Variants in RAPGEF6 observed in about 807,000 individuals in gnomAD.
The protein encoded by RAPGEF6 is Rap guanine nucleotide exchange factor 6, also known as PDZ domain containing guanine nucleotide exchange factor (GEF) 2.
A neutral mutation model predicts 171.4 loss-of-function variants in RAPGEF6; 56 were observed. That is an observed-to-expected ratio of 0.33 (90% confidence interval 0.26 to 0.41). RAPGEF6 has a LOEUF of 0.41. Among genes scored for constraint, RAPGEF6 ranks in the 10% least tolerant of loss-of-function variants. The pLI, the probability that RAPGEF6 is intolerant of heterozygous loss-of-function variation, is 1.00. For synonymous variants in RAPGEF6, 692 were observed against 650.1 expected, an observed-to-expected ratio of 1.06 and a Z score of -0.98; for missense variants, 1,674 against 1,921.4, an observed-to-expected ratio of 0.87 and a Z score of 2.41.
In RAPGEF6 at chr5:131,426,239, A is replaced by C. The variant is rs1321234718; in HGVS notation, c.*1027T>G. 2 of 152,330 alleles carry C rather than the reference A, an allele frequency of 1.3e-5. No individual in the cohort carries two copies. Among genetic ancestry groups the C allele is most frequent in the Non-Finnish European group, 2.9e-5 (2 of 68,050 alleles). The allele number at this position is 152,330 out of a possible 1,614,324, so 9.4% of individuals were successfully genotyped here. A position where few individuals can be genotyped will look rare whatever the true frequency, so the allele number is the denominator to read the frequency against. ...TGGTGCTATGAGATGTGGGGGAGGC[A>C]TGCTGCAGAACACTGCATAAAGTCA... On this transcript the variant is annotated 3_prime_UTR_variant, in exon 28 of 28. Transcript: ENST00000509018.
Position 131,571,153 on chromosome 5 carries a change from G to A in RAPGEF6, c.282-9106C>T, listed in dbSNP as rs545014515. 9.9e-5 allele frequency among the ~76,000 whole-genome samples: 15 copies of A among 152,030 alleles called. No homozygotes were observed. In the South Asian group the frequency reaches 3.1e-3, roughly 32 times the overall value. ...GCCAGGATTTCACCACGTTGGCCAG[G>A]TTGGTCTCAAACTCCCAACTTCAGG... On this transcript the variant is annotated intron_variant, in intron 4 of 27. Coordinates refer to ENST00000509018, the MANE Select transcript of RAPGEF6 (RefSeq NM_016340.6).
At position 131,543,747 on chromosome 5, in the gene RAPGEF6, C is replaced by T. The variant is rs1480376317; in HGVS notation, c.495+4300G>A. On this transcript the variant is annotated intron_variant, in intron 6 of 27. Coordinates refer to ENST00000509018, the MANE Select transcript of RAPGEF6 (RefSeq NM_016340.6). ...TCATCTAAATACTGGAGTTTTTATACTTGGCTTGATTACTTATCCTGCTCA... is the reference window on the plus strand; with the variant it reads ...TCATCTAAATACTGGAGTTTTTATATTTGGCTTGATTACTTATCCTGCTCA... Among the ~76,000 whole-genome samples, 3 of 152,158 alleles carry T rather than the reference C, an allele frequency of 2.0e-5. 1 individual carries two copies. The East Asian group carries it at 5.8e-4, about 29-fold the overall frequency.
Position 131,427,106 on chromosome 5 carries a change from C to CAT in RAPGEF6, c.*158_*159dup, listed in dbSNP as rs1317433491. 1.1e-5 allele frequency: 8 copies of CAT among 716,854 alleles called. No homozygotes were observed. The highest frequency in any genetic ancestry group is 2.0e-5 in the Non-Finnish European group (8 of 406,826). 44.4% of individuals were successfully genotyped at this position (716,854 alleles called of 1,614,324 possible). On this transcript the variant is annotated 3_prime_UTR_variant, in exon 28 of 28. Transcript: ENST00000509018. The stretch of plus-strand genomic sequence containing the variant: ...TCTGCAGAAATTAAATGAAAGGAAG[C>CAT]ATAACTCAGGTCTATTTCATTGCTC...
At chr5:131,443,325 GC>G (rs1284108139) in intron 22 of RAPGEF6, among the ~76,000 whole-genome samples, 1 of 152,054 alleles carries the variant, frequency 6.6e-6, no homozygotes, top group Admixed American at 6.6e-5. Flanking sequence ...TGATCCACAT[GC>G]CCCAGCTACC....
intron 15 of RAPGEF6, among the ~76,000 whole-genome samples, chr5:131,482,583 G>C (rs1170276691): frequency 6.6e-6 from 1 of 152,282 alleles, no homozygotes. Context: ...GATTACAGGG[G>C]TGAGCCACCA....
chr5:131,526,933 T>C (rs564419703), intron 6 of RAPGEF6, among the ~76,000 whole-genome samples: 5 of 152,176 alleles, frequency 3.3e-5, no homozygotes, highest in South Asian at 4.1e-4. Flanking sequence ...GAATACTTTG[T>C]ATATATAGAG....
At chr5:131,508,268 C>A in intron 8 of RAPGEF6, 61 bp from the exon 9 acceptor site, 4 of 1,429,986 alleles carry the variant, frequency 2.8e-6, no homozygotes, top group Non-Finnish European at 3.7e-6. Context: ...AAAAATACAA[C>A]GAAATCTAGA....
At position 131,464,196 on chromosome 5, in the gene RAPGEF6, T is replaced by C; in HGVS notation, c.2325A>G (p.Glu775=). The C allele has an allele frequency of 6.2e-7, 1 of 1,613,930 alleles. No homozygotes were observed. The highest frequency in any genetic ancestry group is 8.5e-7 in the Non-Finnish European group (1 of 1,179,844). ...ATTCATGAACAGCATGAAAAACTAC[T>C]TCTTTAGCTGTGGTGTCTTTACTGA... The part of the protein sequence containing the change: ...IIISKDTTAK[E]VVFHAVHEFG... Residue 775 remains glutamate, a synonymous_variant, in exon 18 of 28, where the codon GAA becomes GAG. Transcript: ENST00000509018.
At chr5:131,558,098 A>G (rs1173764004) in intron 5 of RAPGEF6, among the ~76,000 whole-genome samples, 2 of 152,300 alleles carry the variant, frequency 1.3e-5, no homozygotes, top group Non-Finnish European at 2.9e-5. Context: ...GGAAAAATTT[A>G]CCAGTGAAGC....
intron 1 of RAPGEF6, among the ~76,000 whole-genome samples, chr5:131,634,125 GCATTT>G (rs1283501161): frequency 2.0e-5 from 3 of 151,816 alleles, no homozygotes; most frequent in Admixed American, 6.6e-5. Flanking sequence ...ATTAACCAAA[GCATTT>G]CATTTCATTT....
chr5:131,499,953 C>A (rs1308677639), intron 11 of RAPGEF6, among the ~76,000 whole-genome samples: 1 of 152,152 alleles, frequency 6.6e-6, no homozygotes, highest in Non-Finnish European at 1.5e-5. Context: ...GGCTGGAGTG[C>A]CGCTGCGCGA....
At chr5:131,495,511 GA>G in intron 13 of RAPGEF6, 41 bp downstream of exon 13, 1 of 1,486,028 alleles carries the variant, frequency 6.7e-7, no homozygotes, top group East Asian at 2.3e-5. Context: ...GTTGAGGGGG[GA>G]CCACTACACT....
chr5:131,432,993 A>G (rs1273529258), intron 25 of RAPGEF6, among the ~76,000 whole-genome samples: 4 of 151,786 alleles, frequency 2.6e-5, no homozygotes, highest in Admixed American at 2.6e-4. Context: ...TTGCTAGGTG[A>G]TTATTCTTAC....
chr5:131,586,856 A>G (rs1291194939), intron 4 of RAPGEF6, among the ~76,000 whole-genome samples: 1 of 152,190 alleles, frequency 6.6e-6, no homozygotes, highest in East Asian at 1.9e-4. Flanking sequence ...ACTTGGAATT[A>G]ACAAAGCTTA....
At chr5:131,565,190 G>A (rs1180572559) in intron 4 of RAPGEF6, among the ~76,000 whole-genome samples, 1 of 151,932 alleles carries the variant, frequency 6.6e-6, no homozygotes, top group Admixed American at 6.6e-5. Flanking sequence ...TAGCAAGATT[G>A]AATAATAAAA....
rs34896346 is a variant in RAPGEF6, at chr5:131,431,342, G to C, written c.3982C>G (p.Leu1328Val). Residue 1328 changes from leucine (L) to valine (V), a missense_variant, in exon 26 of 28, where the codon CTC (leucine) becomes GTC (valine). By Grantham distance (32) the Leu-to-Val change is conservative. Around this residue, in one of 3 missense-constraint regions of RAPGEF6, gnomAD observed 552 missense variants for 574.2 expected, o/e 0.96. Coordinates refer to ENST00000509018, the MANE Select transcript of RAPGEF6 (RefSeq NM_016340.6). ...DHSQHGPGWT[L>V]LKPSLIKCLA... is the part of the protein sequence containing the mutation. ...CACTTGATTAGAGATGGCTTCAAGA[G>C]TGTCCACCTAAAATTGGAGATAACG... 4,516 of 1,589,270 alleles carry C rather than the reference G, an allele frequency of 2.8e-3. 13 individuals carry two copies. The highest frequency in any genetic ancestry group is 3.6e-3 in the Non-Finnish European group (4,196 of 1,162,934).
chr5:131,590,407 A>G (rs1194946540), intron 4 of RAPGEF6, among the ~76,000 whole-genome samples: 1 of 152,232 alleles, frequency 6.6e-6, no homozygotes, highest in Non-Finnish European at 1.5e-5. Flanking sequence ...TTAAAAAATC[A>G]TAATAATAAA....
intron 23 of RAPGEF6, among the ~76,000 whole-genome samples, chr5:131,440,737 CAAAAAAAAAAA>C (rs1168441695): frequency 6.0e-5 from 4 of 66,858 alleles, no homozygotes; most frequent in Non-Finnish European, 1.2e-4. Flanking sequence ...GACTCTGTCT[CAAAAAAAAAAA>C]AAAAAAAAAA....
chr5:131,593,644 T>C (rs1319433778), intron 3 of RAPGEF6, among the ~76,000 whole-genome samples: 1 of 152,182 alleles, frequency 6.6e-6, no homozygotes, highest in African/African-American at 2.4e-5. Flanking sequence ...CAGATGGAGA[T>C]GAGGAACTTA....
Sources: allele counts gnomAD v4.1 joint callset (sites outside exome capture counted in the v4.1 genomes callset), GRCh38; gene constraint gnomAD v4.1.1; regional missense constraint gnomAD v4.1.1; transcripts MANE v1.5; gene names NCBI Gene and HGNC (gene_info 2026-07-23, HGNC 2026-07-21).